CDH12: variants seen among roughly 807,000 people sequenced by gnomAD.
The protein encoded by CDH12 is cadherin-12.
A neutral mutation model predicts 74.1 loss-of-function variants in CDH12; 41 were observed. The observed-to-expected ratio is 0.55, with a 90% CI of 0.43 to 0.72. The LOEUF is 0.72. Among genes scored for constraint, CDH12 ranks in the 30% least tolerant of loss-of-function variants. The probability of loss-of-function intolerance (pLI) is 0.00; values close to 1 mark genes in which losing one functional copy is unlikely to be tolerated. For synonymous variants in CDH12, 399 were observed against 355.0 expected, an observed-to-expected ratio of 1.12 and a Z score of -1.39; for missense variants, 945 against 977.2, an observed-to-expected ratio of 0.97 and a Z score of 0.44.
intron 4 of CDH12, among the ~76,000 whole-genome samples, chr5:22,117,446 ATAATATATATATT>A (rs1373910692): frequency 1.1e-4 from 10 of 93,312 alleles, no homozygotes; most frequent in African/African-American, 4.7e-4. Flanking sequence ...TTATATATAT[ATAATATATATATT>A]ATATATATAA....
intron 3 of CDH12, among the ~76,000 whole-genome samples, chr5:22,268,129 G>A (rs1024592541): frequency 2.0e-5 from 3 of 152,010 alleles, no homozygotes; most frequent in African/African-American, 2.4e-5. Flanking sequence ...GTGAAGGAAC[G>A]TGTGTTTGCA....
chr5:21,802,140 T>C (rs1432403465), intron 10 of CDH12, 27 bp downstream of exon 10: 3 of 1,587,680 alleles, frequency 1.9e-6, no homozygotes, highest in Non-Finnish European at 2.6e-6. Context: ...TCCTGAAACA[T>C]AGAAAAAAAA....
intron 5 of CDH12, among the ~76,000 whole-genome samples, chr5:22,042,274 C>T (rs1327446279): frequency 1.3e-5 from 2 of 151,344 alleles, no homozygotes; most frequent in Admixed American, 6.6e-5. Flanking sequence ...ACAAATTAAA[C>T]CCAAGGTTAG....
chr5:22,129,666 C>A (rs1404026737), intron 4 of CDH12, among the ~76,000 whole-genome samples: 1 of 152,096 alleles, frequency 6.6e-6, no homozygotes, highest in Non-Finnish European at 1.5e-5. Flanking sequence ...CTTTTCAGTG[C>A]TCCAGCTTTA....
intron 1 of CDH12, among the ~76,000 whole-genome samples, chr5:22,780,237 A>C (rs1747318209): frequency 6.6e-6 from 1 of 152,082 alleles, no homozygotes; most frequent in African/African-American, 2.4e-5. Context: ...AGAAACAAAC[A>C]AATAATTAGT....
intron 2 of CDH12, among the ~76,000 whole-genome samples, chr5:22,458,214 G>T (rs1225439201): frequency 6.6e-6 from 1 of 152,126 alleles, no homozygotes; most frequent in Non-Finnish European, 1.5e-5. Context: ...TGGTTTGCCT[G>T]CAATTCTTGC....
intron 1 of CDH12, among the ~76,000 whole-genome samples, chr5:22,841,576 G>A (rs1024616955): frequency 1.3e-5 from 2 of 152,074 alleles, no homozygotes; most frequent in East Asian, 1.9e-4. Context: ...AGTTGGATGA[G>A]ATCTCTAAGG....
chr5:21,904,239 C>T (rs900852634), intron 6 of CDH12, among the ~76,000 whole-genome samples: 1 of 152,086 alleles, frequency 6.6e-6, no homozygotes. Context: ...AAAAGTTTAC[C>T]TACCATGCAT....
At chr5:22,045,271 A>G (rs1282568111) in intron 5 of CDH12, among the ~76,000 whole-genome samples, 3 of 152,216 alleles carry the variant, frequency 2.0e-5, no homozygotes, top group Non-Finnish European at 4.4e-5. Context: ...AATGGCTATT[A>G]TCAAAAAGAC....
intron 4 of CDH12, among the ~76,000 whole-genome samples, chr5:22,093,629 G>A (rs1327777937): frequency 1.3e-5 from 2 of 152,160 alleles, no homozygotes; most frequent in Non-Finnish European, 2.9e-5. Flanking sequence ...ATGACCTGGA[G>A]AATGATTGCC....
At position 22,369,367 on chromosome 5, in the gene CDH12, A is replaced by T. The variant is rs1471879847; in HGVS notation, c.-333+35890T>A. ...TACTTTCTAATAACTCAGAAAAAAA[A>T]TAGACTTTCTTTAAAGACACTATAA... On this transcript the variant is annotated intron_variant, in intron 3 of 14. Transcript: ENST00000382254. 5.3e-5 allele frequency among the ~76,000 whole-genome samples: 8 copies of T among 151,920 alleles called. No individual in the cohort carries two copies. In the South Asian group the frequency reaches 6.2e-4, roughly 12 times the overall value.
At chr5:22,699,455 C>T (rs1481593674) in intron 1 of CDH12, among the ~76,000 whole-genome samples, 1 of 151,224 alleles carries the variant, frequency 6.6e-6, no homozygotes, top group African/African-American at 2.5e-5. Context: ...TACACAAAAG[C>T]TCTAAATTAT....
chr5:21,950,221 A>G (rs999702954), intron 6 of CDH12, among the ~76,000 whole-genome samples: 1 of 152,188 alleles, frequency 6.6e-6, no homozygotes, highest in Non-Finnish European at 1.5e-5. Context: ...TAGGGTGTGT[A>G]GTAGGTTATG....
At chr5:22,371,448 T>C (rs186428771) in intron 3 of CDH12, among the ~76,000 whole-genome samples, 67 of 152,282 alleles carry the variant, frequency 4.4e-4, no homozygotes, top group Non-Finnish European at 7.8e-4. Flanking sequence ...AATTTGAAAA[T>C]AAGGCCATCT....
chr5:22,120,080 A>C (rs1380218312), intron 4 of CDH12, among the ~76,000 whole-genome samples: 1 of 152,144 alleles, frequency 6.6e-6, no homozygotes, highest in Non-Finnish European at 1.5e-5. Flanking sequence ...AATCTCTGAT[A>C]CTTTATTTCC....
chr5:22,789,449 A>G (rs945445286), intron 1 of CDH12, among the ~76,000 whole-genome samples: 1 of 152,106 alleles, frequency 6.6e-6, no homozygotes, highest in Non-Finnish European at 1.5e-5. Flanking sequence ...TTAAAAATGT[A>G]GCAATATATA....
chr5:21,826,501 C>T (rs1748677805), intron 8 of CDH12, among the ~76,000 whole-genome samples: 1 of 152,134 alleles, frequency 6.6e-6, no homozygotes, highest in African/African-American at 2.4e-5. Context: ...ACTCATACTT[C>T]TTTTCTGTTA....
intron 1 of CDH12, among the ~76,000 whole-genome samples, chr5:22,823,874 T>C (rs1561057362): frequency 1.3e-5 from 2 of 152,270 alleles, no homozygotes; most frequent in East Asian, 1.9e-4. Context: ...GAACTGTGCA[T>C]CAATTAAATC....
chr5:21,806,429 G>A (rs1747430230), intron 9 of CDH12, among the ~76,000 whole-genome samples: 1 of 152,074 alleles, frequency 6.6e-6, no homozygotes, highest in Non-Finnish European at 1.5e-5. Context: ...TACATAACAA[G>A]TGGCTTTGGT....
Sources: gnomAD v4.1 joint callset for allele counts (sites outside exome capture counted in the v4.1 genomes callset) on GRCh38, gnomAD v4.1.1 for gene constraint, MANE v1.5 for transcripts, NCBI Gene and HGNC (gene_info 2026-07-23, HGNC 2026-07-21) for gene names.